The following KIAA0586 variants were observed in gnomAD, a reference collection of about 807,000 sequenced individuals.
The protein encoded by KIAA0586 is protein TALPID3.
KIAA0586 carries 144 observed loss-of-function variants against 169.8 expected under a neutral mutation model. The ratio of observed to expected loss-of-function variants is 0.85; its 90% CI spans 0.74 to 0.97. The LOEUF (loss-of-function observed/expected upper bound fraction) is 0.97. KIAA0586 is among the 50% of genes least tolerant of loss of function. The pLI, the probability that KIAA0586 is intolerant of heterozygous loss-of-function variation, is 0.00. For synonymous variants in KIAA0586, 625 were observed against 612.4 expected (o/e 1.02, Z -0.30); for missense variants, 1,854 against 1,823.0 (o/e 1.02, Z -0.31).
intron 18 of KIAA0586, 40 bp downstream of exon 18, chr14:58,472,319 C>T (rs371576835): frequency 2.4e-4 from 279 of 1,180,502 alleles, no homozygotes; most frequent in African/African-American, 7.1e-4. Context: ...ATTTTTCTAC[C>T]GGTATTTTTC....
At chr14:58,482,802 GTAT>G (rs2042127670) in intron 21 of KIAA0586, 90 bp downstream of exon 21, 2 of 917,902 alleles carry the variant, frequency 2.2e-6, no homozygotes, top group Admixed American at 2.9e-5. Context: ...TGTGGTAGAA[GTAT>G]TATTATCATT....
intron 27 of KIAA0586, among the ~76,000 whole-genome samples, chr14:58,506,541 G>A (rs1264209149): frequency 1.3e-5 from 2 of 151,980 alleles, no homozygotes; most frequent in African/African-American, 2.4e-5. Flanking sequence ...ACAAAAATTA[G>A]ACAGGTGTGG....
chr14:58,534,850 CATT>C (rs2046187443), intron 29 of KIAA0586, among the ~76,000 whole-genome samples: 2 of 152,102 alleles, frequency 1.3e-5, no homozygotes, highest in Non-Finnish European at 2.9e-5. Context: ...TGGTTTCTTC[CATT>C]TTAACTTTTT....
chr14:58,453,322 A>C lies in KIAA0586; in HGVS notation c.1130-28A>C, dbSNP rs146018355. 548 of 1,145,218 alleles carry C rather than the reference A, an allele frequency of 4.8e-4. 3 individuals carry two copies. The East Asian group carries it at 0.011, about 23-fold the overall frequency. 70.9% of individuals were successfully genotyped at this position (1,145,218 alleles called of 1,614,324 possible). On this transcript the variant is annotated intron_variant, in intron 8 of 30. Coordinates refer to ENST00000652326, the MANE Select transcript of KIAA0586 (RefSeq NM_001329943.3). ...CAAGAGAAATGAATTAGTATTTGGAAAATGATACTATATCTCTTCTATTTC... is the reference window on the plus strand; with the variant it reads ...CAAGAGAAATGAATTAGTATTTGGACAATGATACTATATCTCTTCTATTTC...
At chr14:58,431,355 CG>C (rs1187513089) in intron 3 of KIAA0586, among the ~76,000 whole-genome samples, 2 of 152,092 alleles carry the variant, frequency 1.3e-5, no homozygotes, top group African/African-American at 4.8e-5. Context: ...CTCCAGCTCC[CG>C]GGTTCAAGCA....
intron 20 of KIAA0586, among the ~76,000 whole-genome samples, chr14:58,480,321 T>G (rs2041943874): frequency 6.8e-6 from 1 of 147,946 alleles, no homozygotes; most frequent in South Asian, 2.2e-4. Context: ...CTGCTTAGAC[T>G]TCATTCTGTT....
intron 16 of KIAA0586, among the ~76,000 whole-genome samples, chr14:58,470,126 G>GAT (rs751836062): frequency 2.7e-5 from 4 of 150,726 alleles, no homozygotes; most frequent in Non-Finnish European, 3.0e-5. Flanking sequence ...TTTTTGTAGT[G>GAT]ATATATATAT....
intron 26 of KIAA0586, among the ~76,000 whole-genome samples, chr14:58,496,773 A>G (rs2043184295): frequency 6.6e-6 from 1 of 152,146 alleles, no homozygotes; most frequent in South Asian, 2.1e-4. Flanking sequence ...TTGAAATTAA[A>G]CCCCTTTTAA....
chr14:58,492,364 G>T, intron 26 of KIAA0586, 89 bp downstream of exon 26: 2 of 1,242,766 alleles, frequency 1.6e-6, no homozygotes, highest in South Asian at 1.7e-5. Flanking sequence ...AAGCATGCTA[G>T]TATTTTGGTT....
intron 10 of KIAA0586, 26 bp from the exon 11 acceptor site, chr14:58,457,733 A>T (rs2039989909): frequency 6.9e-7 from 1 of 1,457,310 alleles, no homozygotes; most frequent in Non-Finnish European, 9.4e-7. Flanking sequence ...GAGTTTAGTA[A>T]CTTTCTGGTC....
intron 8 of KIAA0586, among the ~76,000 whole-genome samples, chr14:58,451,929 C>G (rs1273389575): frequency 6.6e-6 from 1 of 152,182 alleles, no homozygotes; most frequent in African/African-American, 2.4e-5. Flanking sequence ...GTGATCCACC[C>G]ACCTTGGGCT....
At chr14:58,432,921 G>A (rs2037498845) in intron 4 of KIAA0586, among the ~76,000 whole-genome samples, 1 of 151,950 alleles carries the variant, frequency 6.6e-6, no homozygotes, top group Non-Finnish European at 1.5e-5. Context: ...TCACTATGTT[G>A]GCCAGGCTGG....
intron 7 of KIAA0586, among the ~76,000 whole-genome samples, chr14:58,449,641 C>G (rs1009056667): frequency 6.6e-6 from 1 of 152,188 alleles, no homozygotes; most frequent in Non-Finnish European, 1.5e-5. Flanking sequence ...CTTGCCTGCT[C>G]AAGGTTACCT....
intron 20 of KIAA0586, among the ~76,000 whole-genome samples, chr14:58,481,662 C>T (rs2042035551): frequency 6.6e-6 from 1 of 152,052 alleles, no homozygotes. Flanking sequence ...TTTTCATCTC[C>T]CTTTTTTTTA....
downstream of KIAA0586, among the ~76,000 whole-genome samples, chr14:58,555,099 C>CTTTTTTTT (rs35845234): frequency 8.2e-4 from 84 of 102,534 alleles, no homozygotes; most frequent in East Asian, 1.1e-3. Context: ...TTCTTTCTTT[C>CTTTTTTTT]TTTTTTTTTT....
intron 26 of KIAA0586, among the ~76,000 whole-genome samples, chr14:58,492,481 G>A (rs1192667148): frequency 6.6e-6 from 1 of 152,138 alleles, no homozygotes; most frequent in Non-Finnish European, 1.5e-5. Flanking sequence ...TTGTTCTACT[G>A]CTAAAAAAGC....
intron 21 of KIAA0586, among the ~76,000 whole-genome samples, chr14:58,485,191 G>A (rs2042359684): frequency 1.3e-5 from 2 of 150,720 alleles, no homozygotes; most frequent in South Asian, 2.1e-4. Context: ...CAAAGTGCTG[G>A]AATTACAGGC....
At chr14:58,504,778 A>C (rs1033665779) in intron 27 of KIAA0586, among the ~76,000 whole-genome samples, 1 of 152,132 alleles carries the variant, frequency 6.6e-6, no homozygotes, top group African/African-American at 2.4e-5. Context: ...CACTGTTATG[A>C]TTGCTGTCAG....
At chr14:58,536,456 A>G (rs901656881) in intron 29 of KIAA0586, among the ~76,000 whole-genome samples, 2 of 152,114 alleles carry the variant, frequency 1.3e-5, no homozygotes, top group Admixed American at 6.5e-5. Context: ...AGCTCCATCT[A>G]TGTTGCTGGA....
Sources: gnomAD v4.1 joint callset for allele counts (sites outside exome capture counted in the v4.1 genomes callset) on GRCh38, gnomAD v4.1.1 for gene constraint, MANE v1.5 for transcripts, NCBI Gene and HGNC (gene_info 2026-07-23, HGNC 2026-07-21) for gene names.